The following BEND7 variants were observed in gnomAD, a reference collection of about 807,000 sequenced individuals.
BEND7 encodes BEN domain-containing protein 7.
In BEND7, 28 loss-of-function variants were observed where a neutral mutation model predicts 50.9. The ratio of observed to expected loss-of-function variants is 0.55; its 90% CI spans 0.41 to 0.75. The LOEUF (loss-of-function observed/expected upper bound fraction) is 0.75, where lower values mean the gene tolerates loss of function less well. BEND7 is among the 30% of genes least tolerant of loss of function. The pLI, the probability that BEND7 is intolerant of heterozygous loss-of-function variation, is 0.00. For missense variants in BEND7, 477 were observed against 491.3 expected, an observed-to-expected ratio of 0.97 and a Z score of 0.28; for synonymous variants, 170 against 183.9, an observed-to-expected ratio of 0.92 and a Z score of 0.61.
intron 2 of BEND7, among the ~76,000 whole-genome samples, chr10:13,506,375 T>C (rs1212644322): frequency 6.6e-6 from 1 of 152,136 alleles, no homozygotes; most frequent in Non-Finnish European, 1.5e-5. Context: ...TTTTAACCCC[T>C]GGAAGAAGCT....
intron 2 of BEND7, chr10:13,500,812 G>A (rs750578267): frequency 2.9e-5 from 29 of 985,290 alleles, no homozygotes; most frequent in African/African-American, 1.0e-4. Flanking sequence ...CCTGCCACTC[G>A]AGGTCACTGG....
chr10:13,482,509 G>T (rs965266543), intron 5 of BEND7, among the ~76,000 whole-genome samples: 5 of 152,128 alleles, frequency 3.3e-5, no homozygotes, highest in Non-Finnish European at 5.9e-5. Context: ...GATTATTTTT[G>T]ATTTTGTCCT....
chr10:13,527,076 C>T (rs1370474443), intron 1 of BEND7, among the ~76,000 whole-genome samples: 1 of 152,180 alleles, frequency 6.6e-6, no homozygotes. Flanking sequence ...CAAAACTACT[C>T]TCACTTTTAA....
intron 2 of BEND7, among the ~76,000 whole-genome samples, chr10:13,509,149 A>C (rs2078104378): frequency 6.6e-6 from 1 of 152,232 alleles, no homozygotes. Context: ...AAGAACACAG[A>C]AAGCCAAAGG....
At chr10:13,457,652 C>T (rs1475252828) in intron 6 of BEND7, among the ~76,000 whole-genome samples, 2 of 152,158 alleles carry the variant, frequency 1.3e-5, no homozygotes, top group African/African-American at 4.8e-5. Context: ...GATGAGGCCT[C>T]AAGGACAAGG....
At chr10:13,509,061 C>T (rs2132418921) in intron 2 of BEND7, among the ~76,000 whole-genome samples, 1 of 152,202 alleles carries the variant, frequency 6.6e-6, no homozygotes, top group East Asian at 1.9e-4. Context: ...TCAAAAAGAG[C>T]AAAGAAATAC....
chr10:13,497,122 G>A (rs948772258), intron 3 of BEND7, among the ~76,000 whole-genome samples: 3 of 152,180 alleles, frequency 2.0e-5, no homozygotes, highest in East Asian at 1.9e-4. Context: ...GCTGTGGCGC[G>A]GTGCGGGAGC....
At chr10:13,494,373 C>T (rs535285600) in intron 4 of BEND7, among the ~76,000 whole-genome samples, 8 of 152,288 alleles carry the variant, frequency 5.3e-5, no homozygotes, top group African/African-American at 1.2e-4. Flanking sequence ...GCCGAGATTA[C>T]GCCACTGCAC....
intron 8 of BEND7, chr10:13,444,824 CT>C (rs889158445): frequency 6.6e-6 from 1 of 152,146 alleles, no homozygotes; most frequent in Non-Finnish European, 1.5e-5. Flanking sequence ...TCTTTTCCTT[CT>C]TTTTTTTGAG....
At chr10:13,461,151 A>C (rs1387041897) in intron 6 of BEND7, among the ~76,000 whole-genome samples, 2 of 152,198 alleles carry the variant, frequency 1.3e-5, no homozygotes, top group Non-Finnish European at 2.9e-5. Context: ...AGCTGAAGAA[A>C]GGAGAAAGAA....
At chr10:13,527,024 A>G (rs1422845833) in intron 1 of BEND7, among the ~76,000 whole-genome samples, 1 of 152,232 alleles carries the variant, frequency 6.6e-6, no homozygotes, top group Admixed American at 6.5e-5. Flanking sequence ...CTTAACACCT[A>G]GTCCCCTTTC....
chr10:13,491,593 C>T (rs1172211535), intron 5 of BEND7, among the ~76,000 whole-genome samples: 2 of 151,400 alleles, frequency 1.3e-5, no homozygotes, highest in African/African-American at 4.8e-5. Context: ...ACCTTTAACA[C>T]CGAGAATTAG....
chr10:13,441,390 A>G lies in BEND7; in HGVS notation c.*353T>C. The G allele has an allele frequency of 9.1e-7, 1 of 1,101,954 alleles. No homozygotes were observed. The highest frequency in any genetic ancestry group is 1.1e-6 in the Non-Finnish European group (1 of 906,282). The allele number at this position is 1,101,954 out of a possible 1,614,324, so 68.3% of individuals were successfully genotyped here. On this transcript the variant is annotated 3_prime_UTR_variant, in exon 9 of 9. Coordinates refer to ENST00000466271, the MANE Select transcript of BEND7 (RefSeq NM_001369863.1). ...TAAACACAATTTTAATTTACAAAAT[A>G]TGATTTTGCTGTTGCAGTTTTGATA...
chr10:13,476,123 A>G (rs575473144), intron 6 of BEND7, among the ~76,000 whole-genome samples: 50 of 152,346 alleles, frequency 3.3e-4, no homozygotes, highest in African/African-American at 1.2e-3. Flanking sequence ...ATCCTAATGG[A>G]AATAGAGATA....
At chr10:13,498,853 G>A (rs1040197870) in intron 3 of BEND7, among the ~76,000 whole-genome samples, 1 of 152,014 alleles carries the variant, frequency 6.6e-6, no homozygotes, top group African/African-American at 2.4e-5. Flanking sequence ...ACATTTCTGG[G>A]GTCCTTCGCT....
rs766440889 is a variant in BEND7, at chr10:13,528,565, AGGC to A, written c.-35_-33del. ...GGGAAGGCGGCGGCGGGGGCTGAGG[AGGC>A]GGCGGCAGCGGCGGCAGCGGCAGCG... is the stretch of plus-strand genomic sequence containing the variant. On this transcript the variant is annotated 5_prime_UTR_variant, in exon 1 of 9. Transcript: ENST00000466271. 6.4e-6 allele frequency: 6 copies of A among 943,308 alleles called. No homozygotes were observed. In the African/African-American group the frequency reaches 6.7e-5, roughly 10 times the overall value. The allele number at this position is 943,308 out of a possible 1,614,324, so 58.4% of individuals were successfully genotyped here.
Position 13,441,436 on chromosome 10 carries a change from C to CTCGGTGGT in BEND7, c.*306_*307insACCACCGA. The CTCGGTGGT allele has an allele frequency of 1.7e-6, 2 of 1,197,412 alleles. No individual in the cohort carries two copies. Among genetic ancestry groups the CTCGGTGGT allele is most frequent in the African/African-American group, 1.7e-5 (1 of 58,968 alleles). The allele number at this position is 1,197,412 out of a possible 1,614,324, so 74.2% of individuals were successfully genotyped here. ...TGATACGTATTTCCAGTGTGTAGAT[C>CTCGGTGGT]CGTTCATCGCACACATCTTTGGGTT... On this transcript the variant is annotated 3_prime_UTR_variant, in exon 9 of 9. Coordinates refer to ENST00000466271, the MANE Select transcript of BEND7 (RefSeq NM_001369863.1).
chr10:13,452,803 T>A, intron 6 of BEND7, 145 bp from the exon 7 acceptor site: 2 of 747,046 alleles, frequency 2.7e-6, no homozygotes, highest in South Asian at 4.9e-5. Context: ...CTGTATTATA[T>A]TTGTTTGGCA....
At position 13,468,874 on chromosome 10, in the gene BEND7, G is replaced by A. The variant is rs546491040; in HGVS notation, c.1063+12025C>T. Reference sequence around the variant, plus strand: ...AATGTAGTTGCAAGGGGGTATCAGGGTTAGGTGGCCCATGCCACCGCCAAG... The same window carrying A: ...AATGTAGTTGCAAGGGGGTATCAGGATTAGGTGGCCCATGCCACCGCCAAG... On this transcript the variant is annotated intron_variant, in intron 6 of 8. Coordinates refer to ENST00000466271, the MANE Select transcript of BEND7 (RefSeq NM_001369863.1). Among the ~76,000 whole-genome samples, 247 of 152,348 alleles carry A rather than the reference G, an allele frequency of 1.6e-3. 1 individual carries two copies. Among genetic ancestry groups the A allele is most frequent in the Non-Finnish European group, 3.1e-3 (211 of 68,026 alleles).
Sources: allele counts gnomAD v4.1 joint callset (sites outside exome capture counted in the v4.1 genomes callset), GRCh38; gene constraint gnomAD v4.1.1; transcripts MANE v1.5; gene names NCBI Gene and HGNC (gene_info 2026-07-23, HGNC 2026-07-21).